The following DST variants were observed in gnomAD, a reference collection of about 807,000 sequenced individuals.
The protein encoded by DST is bullous pemphigoid antigen.
In DST, 253 loss-of-function variants were observed where a neutral mutation model predicts 875.2. The ratio of observed to expected loss-of-function variants is 0.29; its 90% CI spans 0.26 to 0.32. DST has a LOEUF of 0.32. Among genes scored for constraint, DST ranks in the 10% least tolerant of loss-of-function variants. The probability of loss-of-function intolerance (pLI) is 1.00; values close to 1 mark genes in which losing one functional copy is unlikely to be tolerated. For synonymous variants in DST, 3,124 were observed against 3,197.1 expected, an observed-to-expected ratio of 0.98 and a Z score of 0.77; for missense variants, 8,287 against 9,111.6, an observed-to-expected ratio of 0.91 and a Z score of 3.68.
In DST at chr6:56,458,835, C is replaced by CAA. The variant is rs1036860215; in HGVS notation, c.*168_*169dup. On this transcript the variant is annotated 3_prime_UTR_variant, in exon 104 of 104. Coordinates refer to ENST00000680361, the MANE Select transcript of DST (RefSeq NM_001374736.1). Reference sequence around the variant, plus strand: ...GTGACTTTAACCCCAGAATATCTGACAAAAAAAATTATACAGATAAAATAA... The same window carrying CAA: ...GTGACTTTAACCCCAGAATATCTGACAAAAAAAAAATTATACAGATAAAATAA... 3.0e-5 allele frequency: 22 copies of CAA among 728,504 alleles called. No homozygotes were observed. In the African/African-American group the frequency reaches 3.4e-4, roughly 11 times the overall value. The allele number at this position is 728,504 out of a possible 1,614,324, so 45.1% of individuals were successfully genotyped here.
chr6:56,499,928 T>C (rs1250231903), intron 80 of DST, among the ~76,000 whole-genome samples: 1 of 152,130 alleles, frequency 6.6e-6, no homozygotes, highest in Non-Finnish European at 1.5e-5. Context: ...ATGTAGACAT[T>C]AAATAATGAA....
At position 56,647,651 on chromosome 6, in the gene DST, T is replaced by G. The variant is rs187524908; in HGVS notation, c.1554+919A>C. ...ATATACAAATGAGACAACTTACTCT[T>G]TAATAAGTTTACATATTTGTAATGG... On this transcript the variant is annotated intron_variant, in intron 13 of 103. Transcript: ENST00000680361. Among the ~76,000 whole-genome samples the G allele has an allele frequency of 5.2e-3, 795 of 152,226 alleles. 6 individuals carry two copies. The highest frequency in any genetic ancestry group is 0.018 in the African/African-American group (751 of 41,512).
chr6:56,593,148 A>AT (rs1270614642), intron 48 of DST, among the ~76,000 whole-genome samples: 1 of 152,170 alleles, frequency 6.6e-6, no homozygotes, highest in African/African-American at 2.4e-5. Flanking sequence ...TCTGGAAATC[A>AT]TGCTCTCAAA....
intron 4 of DST, among the ~76,000 whole-genome samples, chr6:56,821,718 C>CT (rs894759635): frequency 5.6e-4 from 86 of 152,294 alleles, no homozygotes; most frequent in African/African-American, 2.0e-3. Flanking sequence ...AACAGTTTTA[C>CT]TAAACTGATC....
intron 49 of DST, among the ~76,000 whole-genome samples, chr6:56,584,662 G>T (rs979681612): frequency 1.5e-4 from 23 of 151,834 alleles, no homozygotes; most frequent in Non-Finnish European, 3.2e-4. Flanking sequence ...GGGCATCCCT[G>T]TCTTGTGCCA....
At position 56,482,807 on chromosome 6, in the gene DST, A is replaced by G. The variant is rs1276035425; in HGVS notation, c.21278T>C (p.Ile7093Thr). 1.9e-6 allele frequency: 3 copies of G among 1,613,544 alleles called. No homozygotes were observed. The highest frequency in any genetic ancestry group is 1.6e-4 in the Middle Eastern group (1 of 6,082). ...GGAGGAGTCATCCCGACTGCCTTCT[A>G]TGAGTTCTCGGGCTGAGCGCTTCAG... ...QALKRSAREL[I>T]EGSRDDSSWV... is the part of the protein sequence containing the mutation. Residue 7093 changes from isoleucine (I) to threonine (T), a missense_variant, in exon 89 of 104, where the codon ATA becomes ACA. By Grantham distance (89) the Ile-to-Thr change is moderately conservative. This residue lies in a region of DST where 1,292 missense variants were observed against 1,552.7 expected (regional missense o/e 0.83). Coordinates refer to ENST00000680361, the MANE Select transcript of DST (RefSeq NM_001374736.1).
chr6:56,642,396 T>G lies in DST; in HGVS notation c.1872+14A>C. On this transcript the variant is annotated intron_variant, in intron 16 of 103. Transcript: ENST00000680361. The stretch of plus-strand genomic sequence containing the variant: ...CCTCTACCACAACCCCAATGGCTCC[T>G]AAAATTAACTTACAGACTGAAGAGC... 6.3e-7 allele frequency: 1 copy of G among 1,594,614 alleles called. No individual in the cohort carries two copies. Among genetic ancestry groups the G allele is most frequent in the Non-Finnish European group, 8.6e-7 (1 of 1,162,284 alleles).
chr6:56,899,904 G>T (rs1210593376), intron 3 of DST, among the ~76,000 whole-genome samples: 1 of 152,148 alleles, frequency 6.6e-6, no homozygotes, highest in Non-Finnish European at 1.5e-5. Flanking sequence ...CAATATAAAG[G>T]CCACACCTGA....
intron 2 of DST, among the ~76,000 whole-genome samples, chr6:56,915,358 C>T (rs1424048969): frequency 6.6e-6 from 1 of 152,010 alleles, no homozygotes; most frequent in Non-Finnish European, 1.5e-5. Context: ...CAAATAGCAC[C>T]CAAACAGCAA....
chr6:56,633,194 G>GT (rs371284798), intron 27 of DST, among the ~76,000 whole-genome samples, 157 bp from the exon 28 acceptor site: 13,813 of 148,804 alleles, frequency 0.093, 1,323 homozygotes, highest in African/African-American at 0.25. Flanking sequence ...AATTTTAGGT[G>GT]GTTTTTTTTT....
rs575042106 is a variant in DST at position 56,845,960 on chromosome 6, C to T, written c.625+5437G>A. On this transcript the variant is annotated intron_variant, in intron 4 of 103. Transcript: ENST00000680361. The stretch of plus-strand genomic sequence containing the variant: ...GTATTCCATAGAGAAGAGGCAAAAG[C>T]GTAGCAGTAAATAGCTTGGACTTTG... Among the ~76,000 whole-genome samples the T allele has an allele frequency of 5.3e-5, 8 of 152,324 alleles. No homozygotes were observed. In the South Asian group the frequency reaches 1.5e-3, roughly 28 times the overall value.
At chr6:56,615,567 C>G in intron 36 of DST, 2 of 1,614,128 alleles carry the variant, frequency 1.2e-6, no homozygotes, top group African/African-American at 2.7e-5. Context: ...GGCTCAGATA[C>G]TTCTAACAGT....
At chr6:56,520,226 A>G (rs1406104415) in intron 69 of DST, among the ~76,000 whole-genome samples, 5 of 152,184 alleles carry the variant, frequency 3.3e-5, no homozygotes, top group African/African-American at 1.2e-4. Context: ...AAATAACTTA[A>G]AAAATAATCA....
intron 90 of DST, among the ~76,000 whole-genome samples, chr6:56,478,802 T>C (rs1218435335): frequency 6.6e-6 from 1 of 152,144 alleles, no homozygotes; most frequent in Non-Finnish European, 1.5e-5. Flanking sequence ...CACTTTGAAA[T>C]ATAGGTGTTT....
chr6:56,839,144 T>C (rs143389211), intron 4 of DST, among the ~76,000 whole-genome samples: 2 of 152,238 alleles, frequency 1.3e-5, no homozygotes, highest in Non-Finnish European at 2.9e-5. Context: ...GGAATGGAGA[T>C]ATAAGGGCTG....
At chr6:56,459,337 A>G in intron 103 of DST, 70 bp from the exon 104 acceptor site, 1 of 1,479,258 alleles carries the variant, frequency 6.8e-7, no homozygotes, top group Non-Finnish European at 9.1e-7. Context: ...TTGAAACCCG[A>G]TGCCACCTTT....
chr6:56,547,836 A>C (rs1020489792), intron 61 of DST, among the ~76,000 whole-genome samples: 1 of 152,340 alleles, frequency 6.6e-6, no homozygotes, highest in Non-Finnish European at 1.5e-5. Flanking sequence ...TGGACCAGAG[A>C]AAATTTATTA....
At chr6:56,862,078 T>C (rs1291860974) in intron 3 of DST, among the ~76,000 whole-genome samples, 1 of 152,120 alleles carries the variant, frequency 6.6e-6, no homozygotes, top group Admixed American at 6.5e-5. Flanking sequence ...TTTATTGGCT[T>C]GGCAGCTTGG....
At chr6:56,739,163 G>A (rs563951600) in intron 4 of DST, among the ~76,000 whole-genome samples, 23 of 148,858 alleles carry the variant, frequency 1.5e-4, no homozygotes, top group Admixed American at 4.1e-4. Context: ...ACAGATAGAT[G>A]CCCATTGTGT....
Sources: allele counts gnomAD v4.1 joint callset (sites outside exome capture counted in the v4.1 genomes callset), GRCh38; gene constraint gnomAD v4.1.1; regional missense constraint gnomAD v4.1.1; transcripts MANE v1.5; gene names NCBI Gene and HGNC (gene_info 2026-07-23, HGNC 2026-07-21).